CSNK2A2IP: variants seen among roughly 807,000 people sequenced by gnomAD.
The protein encoded by CSNK2A2IP is casein kinase 2 subunit alpha' interacting protein, also known as casein kinase II subunit alpha'-interacting protein.
the CSNK2A2IP span, among the ~76,000 whole-genome samples, chr3:88,442,370 T>C: frequency 6.7e-6 from 1 of 149,920 alleles, no homozygotes; most frequent in Non-Finnish European, 1.5e-5. Flanking sequence ...CAAATACATG[T>C]CAATATTTTT....
chr3:88,406,422 T>C, the CSNK2A2IP span, among the ~76,000 whole-genome samples: 1 of 152,208 alleles, frequency 6.6e-6, no homozygotes, highest in Non-Finnish European at 1.5e-5. Flanking sequence ...ATAAAAGCCT[T>C]AGCTGGCAGT....
the CSNK2A2IP span, among the ~76,000 whole-genome samples, chr3:88,360,045 T>G: frequency 1.3e-3 from 192 of 152,274 alleles, 2 homozygotes; most frequent in African/African-American, 4.3e-3. Flanking sequence ...GCTTCAGTGT[T>G]GGGTGTATAT....
chr3:88,382,117 C>A, the CSNK2A2IP span, among the ~76,000 whole-genome samples: 1 of 152,174 alleles, frequency 6.6e-6, no homozygotes, highest in Non-Finnish European at 1.5e-5. Context: ...TCTCTATATC[C>A]TTTTCAATCT....
the CSNK2A2IP span, among the ~76,000 whole-genome samples, chr3:88,370,598 T>TTCTCTC: frequency 7.8e-6 from 1 of 128,800 alleles, no homozygotes; most frequent in African/African-American, 2.8e-5. Flanking sequence ...CTTTCTTTCT[T>TTCTCTC]TCTCTCTCTC....
chr3:88,386,273 C>T, the CSNK2A2IP span, among the ~76,000 whole-genome samples: 34 of 152,128 alleles, frequency 2.2e-4, no homozygotes, highest in East Asian at 3.9e-3. Context: ...TACAGGCACC[C>T]GCCACCATGC....
chr3:88,416,202 T>C, the CSNK2A2IP span, among the ~76,000 whole-genome samples: 2 of 147,662 alleles, frequency 1.4e-5, no homozygotes, highest in Non-Finnish European at 1.5e-5. Context: ...ACCTGGGAGA[T>C]GGAGAGGTTG....
chr3:88,443,086 G>A, the CSNK2A2IP span, among the ~76,000 whole-genome samples: 169 of 152,176 alleles, frequency 1.1e-3, 1 homozygote, highest in African/African-American at 3.8e-3. Context: ...GTCTGAAAAA[G>A]TTATGAAAAT....
the CSNK2A2IP span, among the ~76,000 whole-genome samples, chr3:88,446,030 T>TTTCTTTC: frequency 2.1e-4 from 12 of 58,092 alleles, no homozygotes; most frequent in East Asian, 7.2e-4. Flanking sequence ...TCTTTGTTTC[T>TTTCTTTC]TTTCTTTCTT....
the CSNK2A2IP span, among the ~76,000 whole-genome samples, chr3:88,458,147 T>G: frequency 0.063 from 4,929 of 77,894 alleles, 301 homozygotes; most frequent in East Asian, 0.25. Context: ...TGTGGTTTTT[T>G]TTTTTTTTTT....
chr3:88,408,199 T>C, the CSNK2A2IP span, among the ~76,000 whole-genome samples: 3 of 152,180 alleles, frequency 2.0e-5, no homozygotes, highest in East Asian at 5.8e-4. Context: ...TTCAATGTCA[T>C]GTCTACTTAG....
At chr3:88,348,076 A>G in the CSNK2A2IP span, among the ~76,000 whole-genome samples, 46 of 152,098 alleles carry the variant, frequency 3.0e-4, no homozygotes, top group East Asian at 8.1e-3. Context: ...TGGGGACAGT[A>G]CTTTAATCTG....
At chr3:88,464,041 T>C in the CSNK2A2IP span, among the ~76,000 whole-genome samples, 2 of 151,806 alleles carry the variant, frequency 1.3e-5, no homozygotes, top group African/African-American at 4.8e-5. Context: ...GAAAACATCA[T>C]TCTCAGCAAA....
chr3:88,399,491 T>C, the CSNK2A2IP span: 1 of 152,234 alleles, frequency 6.6e-6, no homozygotes, highest in Non-Finnish European at 1.5e-5. Context: ...TTAACTTTTA[T>C]GTCAATCTTT....
At chr3:88,397,752 A>T in the CSNK2A2IP span, among the ~76,000 whole-genome samples, 1 of 116,540 alleles carries the variant, frequency 8.6e-6, no homozygotes, top group Non-Finnish European at 1.8e-5. Flanking sequence ...TATTACTAGG[A>T]TATCTCCTAT....
At chr3:88,446,087 TTTC>T in the CSNK2A2IP span, among the ~76,000 whole-genome samples, 1 of 138,276 alleles carries the variant, frequency 7.2e-6, no homozygotes, top group African/African-American at 2.7e-5. Flanking sequence ...TCTTTCTTTC[TTTC>T]TTTCTTTCTT....
the CSNK2A2IP span, among the ~76,000 whole-genome samples, chr3:88,407,805 C>A: frequency 6.6e-6 from 1 of 151,970 alleles, no homozygotes; most frequent in Non-Finnish European, 1.5e-5. Context: ...CTCACTGCAA[C>A]CTCCGCCTCC....
At chr3:88,452,881 G>A in the CSNK2A2IP span, among the ~76,000 whole-genome samples, 50 of 151,990 alleles carry the variant, frequency 3.3e-4, no homozygotes, top group African/African-American at 1.1e-3. Flanking sequence ...AACTTCTCTT[G>A]GTGAGAGGCT....
the CSNK2A2IP span, among the ~76,000 whole-genome samples, chr3:88,347,795 T>G: frequency 6.6e-6 from 1 of 152,056 alleles, no homozygotes; most frequent in African/African-American, 2.4e-5. Context: ...CTGTTTTGTA[T>G]ATCTTCTATC....
chr3:88,373,862 A>G, the CSNK2A2IP span, among the ~76,000 whole-genome samples: 6 of 151,638 alleles, frequency 4.0e-5, no homozygotes, highest in Non-Finnish European at 5.9e-5. Flanking sequence ...TTATGCTAAT[A>G]CATTACAAAA....
Sources: allele counts gnomAD v4.1 joint callset (sites outside exome capture counted in the v4.1 genomes callset), GRCh38; gene constraint gnomAD v4.1.1; transcripts MANE v1.5; gene names NCBI Gene and HGNC (gene_info 2026-07-23, HGNC 2026-07-21).